TAOK1: variants seen among roughly 807,000 people sequenced by gnomAD.
TAOK1 encodes the protein serine/threonine-protein kinase TAO1.
A neutral mutation model predicts 138.3 loss-of-function variants in TAOK1; 21 were observed. The observed-to-expected ratio is 0.15, with a 90% CI of 0.11 to 0.22. The LOEUF is 0.22. Ranked by LOEUF, TAOK1 falls within the 10% of genes least tolerant of loss-of-function variation. The pLI, the probability that TAOK1 is intolerant of heterozygous loss-of-function variation, is 1.00. For synonymous variants in TAOK1, 361 were observed against 398.4 expected (o/e 0.91, Z 1.12); for missense variants, 651 against 1,227.7 (o/e 0.53, Z 7.02).
At chr17:29,397,607 C>CCCCCCAAAA (rs60665025) in intron 1 of TAOK1, among the ~76,000 whole-genome samples, 5 of 94,614 alleles carry the variant, frequency 5.3e-5, no homozygotes, top group South Asian at 3.3e-4. Context: ...CGTCCCCCCC[C>CCCCCCAAAA]AAAAAAATAT....
At chr17:29,453,806 T>TAG (rs2030305559) in intron 2 of TAOK1, among the ~76,000 whole-genome samples, 2 of 149,928 alleles carry the variant, frequency 1.3e-5, no homozygotes. Flanking sequence ...CTTAGGTTTT[T>TAG]TTGTTTTTTT....
chr17:29,475,372 T>A (rs1369807995), intron 3 of TAOK1, among the ~76,000 whole-genome samples: 1 of 152,164 alleles, frequency 6.6e-6, no homozygotes, highest in Non-Finnish European at 1.5e-5. Flanking sequence ...AAACCCCATC[T>A]GTACAAAAAA....
At chr17:29,462,248 T>G (rs1006616949) in intron 2 of TAOK1, among the ~76,000 whole-genome samples, 1 of 152,208 alleles carries the variant, frequency 6.6e-6, no homozygotes, top group South Asian at 2.1e-4. Context: ...TCAGGCAAGC[T>G]AATCAAGGAC....
rs753245303 is a variant in TAOK1, at chr17:29,534,034, ACTC to A, written c.2362-75_2362-73del. ...AAAAAAGAGTAGTCTGTCTTCTAAC[ACTC>A]CTCCTCCTTTCCATAGGTCATGAAT... On this transcript the variant is annotated intron_variant, in intron 18 of 19. Coordinates refer to ENST00000261716, the MANE Select transcript of TAOK1 (RefSeq NM_020791.4). 283 of 1,321,008 alleles carry A rather than the reference ACTC, an allele frequency of 2.1e-4. 4 individuals carry two copies. The Middle Eastern group carries it at 5.4e-3, about 25-fold the overall frequency. 81.8% of individuals were successfully genotyped at this position (1,321,008 alleles called of 1,614,324 possible). A position where few individuals can be genotyped will look rare whatever the true frequency, so the allele number is the denominator to read the frequency against.
At chr17:29,431,045 C>T (rs1349209203) in intron 1 of TAOK1, among the ~76,000 whole-genome samples, 1 of 152,130 alleles carries the variant, frequency 6.6e-6, no homozygotes, top group East Asian at 1.9e-4. Context: ...GGAGAAAAAA[C>T]AAAACCTGCT....
At chr17:29,424,436 C>CAAAAAA (rs781589064) in intron 1 of TAOK1, among the ~76,000 whole-genome samples, 1 of 71,998 alleles carries the variant, frequency 1.4e-5, no homozygotes, top group African/African-American at 5.3e-5. Context: ...GACTCCCTCT[C>CAAAAAA]AAAAAAAAAA....
At chr17:29,437,995 G>T (rs1279221413) in intron 1 of TAOK1, among the ~76,000 whole-genome samples, 2 of 152,074 alleles carry the variant, frequency 1.3e-5, no homozygotes, top group Non-Finnish European at 2.9e-5. Flanking sequence ...GCCTCCCAAA[G>T]TGCTGGGATT....
chr17:29,450,093 TCTTTCATCTAA>T, intron 1 of TAOK1, among the ~76,000 whole-genome samples: 1 of 152,100 alleles, frequency 6.6e-6, no homozygotes, highest in East Asian at 1.9e-4. Context: ...TCCTTTCCTT[TCTTTCATCTAA>T]CAAACAGGGT....
rs1186265451 is a variant in TAOK1, at chr17:29,540,808, GA to G, written c.2545-1752del. Reference sequence around the variant, plus strand: ...TGGTCTCGAACTCCCAACCTCAAGTGATCTGCCTGCCTCAGCCTCCCAAAGT... The same window carrying G: ...TGGTCTCGAACTCCCAACCTCAAGTGTCTGCCTGCCTCAGCCTCCCAAAGT... On this transcript the variant is annotated intron_variant, in intron 19 of 19. Transcript: ENST00000261716. Among the ~76,000 whole-genome samples, 17 of 151,630 alleles carry G rather than the reference GA, an allele frequency of 1.1e-4. No individual in the cohort carries two copies. The East Asian group carries it at 3.1e-3, about 28-fold the overall frequency.
At chr17:29,541,155 G>A (rs145753537) in intron 19 of TAOK1, among the ~76,000 whole-genome samples, 350 of 152,088 alleles carry the variant, frequency 2.3e-3, no homozygotes, top group Admixed American at 8.2e-3. Flanking sequence ...TGTCGCCGAG[G>A]CTGGAGTGCA....
intron 15 of TAOK1, chr17:29,512,656 G>A (rs2031743316): frequency 6.6e-6 from 1 of 151,572 alleles, no homozygotes; most frequent in East Asian, 1.9e-4. Flanking sequence ...TGGGACTACA[G>A]GTGTGAGCCA....
intron 19 of TAOK1, among the ~76,000 whole-genome samples, chr17:29,535,138 C>T (rs756562470): frequency 5.3e-5 from 8 of 151,846 alleles, no homozygotes; most frequent in Non-Finnish European, 1.0e-4. Context: ...ACAGGGAGAC[C>T]CTATCTCTAC....
At chr17:29,477,109 T>G (rs894288483) in intron 4 of TAOK1, among the ~76,000 whole-genome samples, 3 of 152,170 alleles carry the variant, frequency 2.0e-5, no homozygotes, top group Non-Finnish European at 4.4e-5. Flanking sequence ...CCTCCCAAAG[T>G]GCTGGGATTA....
intron 17 of TAOK1, among the ~76,000 whole-genome samples, chr17:29,529,068 C>A (rs1457990150): frequency 6.6e-6 from 1 of 150,690 alleles, no homozygotes; most frequent in African/African-American, 2.4e-5. Flanking sequence ...AACTCCTGGG[C>A]TCAAGTGATC....
intron 1 of TAOK1, 128 bp from the exon 2 acceptor site, chr17:29,451,327 A>T (rs1199436033): frequency 1.7e-5 from 6 of 355,352 alleles, no homozygotes; most frequent in Non-Finnish European, 3.0e-5. Flanking sequence ...CTACTGCAGT[A>T]GTACCCACAC....
intron 9 of TAOK1, 147 bp from the exon 10 acceptor site, chr17:29,491,637 A>G: frequency 1.7e-6 from 1 of 579,364 alleles, no homozygotes; most frequent in African/African-American, 1.8e-5. Flanking sequence ...AGATCTTCAT[A>G]GACTTATATG....
At chr17:29,464,672 A>AT (rs1038930988) in intron 2 of TAOK1, among the ~76,000 whole-genome samples, 1 of 152,128 alleles carries the variant, frequency 6.6e-6, no homozygotes. Flanking sequence ...AAAGAAATTC[A>AT]TATCTAACAA....
intron 18 of TAOK1, among the ~76,000 whole-genome samples, chr17:29,531,111 G>T (rs531229897): frequency 1.3e-5 from 2 of 150,670 alleles, no homozygotes; most frequent in Admixed American, 1.3e-4. Flanking sequence ...ACAGGCGCCT[G>T]CCACTATGCC....
intron 13 of TAOK1, 25 bp downstream of exon 13, chr17:29,502,748 T>G: frequency 6.3e-7 from 1 of 1,598,300 alleles, no homozygotes; most frequent in South Asian, 1.1e-5. Context: ...GAATTAGAGA[T>G]AAATATATTT....
Sources: gnomAD v4.1 joint callset for allele counts (sites outside exome capture counted in the v4.1 genomes callset) on GRCh38, gnomAD v4.1.1 for gene constraint, MANE v1.5 for transcripts, NCBI Gene and HGNC (gene_info 2026-07-23, HGNC 2026-07-21) for gene names.